Variants in ADORA2B observed in about 807,000 individuals in gnomAD.
ADORA2B encodes the protein adenosine A2b receptor.
In ADORA2B, 18 loss-of-function variants were observed where a neutral mutation model predicts 20.8. The observed-to-expected ratio is 0.87, with a 90% CI of 0.60 to 1.29. The LOEUF is 1.29. Ranked by LOEUF, ADORA2B falls within the 50% of genes most tolerant of loss-of-function variation. The pLI is 0.00. For missense variants in ADORA2B, 441 were observed against 422.7 expected, an observed-to-expected ratio of 1.04 and a Z score of -0.38; for synonymous variants, 179 against 178.3, an observed-to-expected ratio of 1.00 and a Z score of -0.03.
At chr17:15,874,328 G>T in the ADORA2B span, among the ~76,000 whole-genome samples, 26 of 151,646 alleles carry the variant, frequency 1.7e-4, no homozygotes, top group African/African-American at 5.8e-4. Flanking sequence ...TAAGGGAAAG[G>T]TAGGGAGGGG....
chr17:15,890,459 C>CA, the ADORA2B span, among the ~76,000 whole-genome samples: 30 of 74,902 alleles, frequency 4.0e-4, 8 homozygotes, highest in Non-Finnish European at 5.9e-4. Context: ...TCATTCCTTT[C>CA]TTTTATTTAT....
chr17:15,952,147 C>T (rs749969887), intron 1 of ADORA2B, among the ~76,000 whole-genome samples: 1 of 152,162 alleles, frequency 6.6e-6, no homozygotes, highest in East Asian at 1.9e-4. Context: ...GCTCCTTTCT[C>T]GGTGACCACG....
At chr17:15,905,338 T>A in the ADORA2B span, among the ~76,000 whole-genome samples, 1 of 152,188 alleles carries the variant, frequency 6.6e-6, no homozygotes, top group East Asian at 1.9e-4. Context: ...CAAAATCCAA[T>A]TGTTCATTTC....
At chr17:15,912,255 T>A in the ADORA2B span, among the ~76,000 whole-genome samples, 1 of 150,610 alleles carries the variant, frequency 6.6e-6, no homozygotes, top group Non-Finnish European at 1.5e-5. Context: ...TGGCACATGC[T>A]TGTAGTCCTA....
the ADORA2B span, among the ~76,000 whole-genome samples, chr17:15,853,950 T>C: frequency 1.3e-5 from 2 of 152,050 alleles, no homozygotes; most frequent in Non-Finnish European, 2.9e-5. Context: ...TACATTTATT[T>C]ATTTATTTAC....
At chr17:15,866,959 A>AT in the ADORA2B span, among the ~76,000 whole-genome samples, 173 of 152,236 alleles carry the variant, frequency 1.1e-3, no homozygotes, top group African/African-American at 3.9e-3. Context: ...TGGTTTTCGT[A>AT]TTTTTTTGGT....
the ADORA2B span, among the ~76,000 whole-genome samples, chr17:15,931,123 C>G: frequency 2.0e-5 from 3 of 152,118 alleles, no homozygotes; most frequent in Non-Finnish European, 4.4e-5. Context: ...TTGAGACCAG[C>G]CTGGGCAACA....
chr17:15,907,704 T>C, the ADORA2B span, among the ~76,000 whole-genome samples: 6 of 149,244 alleles, frequency 4.0e-5, no homozygotes, highest in African/African-American at 1.6e-4. Flanking sequence ...TGGTAACACT[T>C]AATGCTGGTA....
At chr17:15,899,923 C>A in the ADORA2B span, among the ~76,000 whole-genome samples, 1 of 151,874 alleles carries the variant, frequency 6.6e-6, no homozygotes, top group African/African-American at 2.4e-5. Context: ...CCTCTGACTC[C>A]CTGGTTCAAG....
the ADORA2B span, among the ~76,000 whole-genome samples, chr17:15,919,680 C>G: frequency 1.1e-4 from 16 of 152,018 alleles, no homozygotes; most frequent in Admixed American, 1.0e-3. Context: ...GTTGAGCCTC[C>G]TGAGGTCAGG....
intron 1 of ADORA2B, among the ~76,000 whole-genome samples, chr17:15,961,769 C>A (rs929358666): frequency 1.3e-5 from 2 of 152,162 alleles, no homozygotes; most frequent in African/African-American, 2.4e-5. Flanking sequence ...AGTGAGCAAG[C>A]AAGAGAGGGC....
the ADORA2B span, among the ~76,000 whole-genome samples, chr17:15,916,782 T>G: frequency 2.5e-4 from 38 of 152,278 alleles, no homozygotes; most frequent in Admixed American, 2.4e-3. Context: ...TGAGGGGTGG[T>G]CTCCTCCCTT....
At chr17:15,876,449 C>CTTTTTTTTTTTTTTTTTTTTTTTT in the ADORA2B span, among the ~76,000 whole-genome samples, 13 of 119,298 alleles carry the variant, frequency 1.1e-4, no homozygotes, top group Non-Finnish European at 1.9e-4. Flanking sequence ...TTTCTTTTTT[C>CTTTTTTTTTTTTTTTTTTTTTTTT]TTTTTTTTTT....
the ADORA2B span, among the ~76,000 whole-genome samples, chr17:15,896,943 A>C: frequency 6.6e-6 from 1 of 152,188 alleles, no homozygotes. Flanking sequence ...AACATTTTTC[A>C]GCTTCTTTAG....
At chr17:15,892,047 G>A in the ADORA2B span, among the ~76,000 whole-genome samples, 1 of 146,780 alleles carries the variant, frequency 6.8e-6, no homozygotes, top group East Asian at 2.0e-4. Context: ...TTTTAGTAGA[G>A]ACGAGGTTTC....
At chr17:15,922,020 G>A in the ADORA2B span, among the ~76,000 whole-genome samples, 1 of 152,244 alleles carries the variant, frequency 6.6e-6, no homozygotes, top group Non-Finnish European at 1.5e-5. Flanking sequence ...AGGATGACTT[G>A]TGTAGGGAAT....
chr17:15,856,259 C>T, the ADORA2B span, among the ~76,000 whole-genome samples: 1 of 151,536 alleles, frequency 6.6e-6, no homozygotes, highest in Non-Finnish European at 1.5e-5. Context: ...TTCTCTGTCC[C>T]CGCCTTCCCC....
chr17:15,945,636 G>A (rs1969793732), intron 1 of ADORA2B, 53 bp downstream of exon 1: 1 of 1,413,568 alleles, frequency 7.1e-7, no homozygotes, highest in Admixed American at 2.7e-5. Flanking sequence ...CTCCGAAATG[G>A]GTCGTCTTCT....
At chr17:15,942,096 T>C (rs1252855335), upstream of ADORA2B, among the ~76,000 whole-genome samples, 1 of 152,182 alleles carries the variant, frequency 6.6e-6, no homozygotes, top group Non-Finnish European at 1.5e-5. Context: ...GGCACAGCCC[T>C]GTGCTGGAGA....
Sources: gnomAD v4.1 joint callset for allele counts (sites outside exome capture counted in the v4.1 genomes callset) on GRCh38, gnomAD v4.1.1 for gene constraint, MANE v1.5 for transcripts, NCBI Gene and HGNC (gene_info 2026-07-23, HGNC 2026-07-21) for gene names.